STPG1: variants seen among roughly 807,000 people sequenced by gnomAD.
STPG1 encodes the protein O(6)-methylguanine-induced apoptosis 2.
Under a neutral mutation model 40.1 loss-of-function variants are expected in STPG1, and 33 were observed. That is an observed-to-expected ratio of 0.82 (90% CI 0.62 to 1.10). STPG1 has a LOEUF of 1.10. Among genes scored for constraint, STPG1 ranks in the 50% least tolerant of loss-of-function variants. STPG1 has a pLI of 0.00. For missense variants in STPG1, 396 were observed against 415.1 expected (o/e 0.95, Z 0.40); for synonymous variants, 150 against 155.0 (o/e 0.97, Z 0.24).
At chr1:24,378,800 G>A (rs968325607) in intron 5 of STPG1, among the ~76,000 whole-genome samples, 3 of 152,164 alleles carry the variant, frequency 2.0e-5, no homozygotes, top group Non-Finnish European at 2.9e-5. Context: ...CATATCTTGC[G>A]CACTTCAGAG....
chr1:24,383,831 T>C (rs776601610), intron 4 of STPG1, 71 bp downstream of exon 4: 3 of 979,252 alleles, frequency 3.1e-6, no homozygotes, highest in Non-Finnish European at 5.0e-6. Flanking sequence ...AGATGTCCAA[T>C]ATATAATTAT....
intron 1 of STPG1, among the ~76,000 whole-genome samples, chr1:24,401,836 C>T (rs1395416952): frequency 1.3e-5 from 2 of 152,060 alleles, no homozygotes; most frequent in Non-Finnish European, 2.9e-5. Context: ...GCTGGGATTA[C>T]AGGCGCCCAC....
chr1:24,372,126 C>T lies in STPG1; in HGVS notation c.571+1576G>A, dbSNP rs559783359. 5.3e-5 allele frequency among the ~76,000 whole-genome samples: 8 copies of T among 152,158 alleles called. No homozygotes were observed. In the South Asian group the frequency reaches 1.7e-3, roughly 32 times the overall value. ...CCGGGGGGCGGAGGTTGCGGTGAGC[C>T]GAGATCGTGCCACTGCACTCCAGCC... On this transcript the variant is annotated intron_variant, in intron 6 of 8. Coordinates refer to ENST00000337248, the MANE Select transcript of STPG1 (RefSeq NM_001199013.2).
chr1:24,370,712 C>T (rs1180268457), intron 6 of STPG1, among the ~76,000 whole-genome samples: 1 of 151,826 alleles, frequency 6.6e-6, no homozygotes, highest in Non-Finnish European at 1.5e-5. Context: ...AGGATGGTCT[C>T]GATCTCCTGA....
At chr1:24,358,668 G>T in intron 8 of STPG1, 49 bp from the exon 9 acceptor site, 1 of 1,438,788 alleles carries the variant, frequency 7.0e-7, no homozygotes, top group Non-Finnish European at 9.7e-7. Flanking sequence ...AAGGCCCATT[G>T]CTGCAGTCTC....
chr1:24,372,672 G>C (rs1035621506), intron 6 of STPG1, among the ~76,000 whole-genome samples: 2 of 152,234 alleles, frequency 1.3e-5, no homozygotes, highest in African/African-American at 4.8e-5. Flanking sequence ...CGCTGGTTTT[G>C]TTATTCAGCT....
At chr1:24,376,704 T>C (rs1642042418) in intron 5 of STPG1, among the ~76,000 whole-genome samples, 1 of 152,110 alleles carries the variant, frequency 6.6e-6, no homozygotes. Flanking sequence ...GACGGCAGCA[T>C]CCTTCAGCTA....
intron 4 of STPG1, among the ~76,000 whole-genome samples, chr1:24,381,930 C>T (rs1425530391): frequency 1.3e-5 from 2 of 152,182 alleles, no homozygotes; most frequent in African/African-American, 2.4e-5. Flanking sequence ...AATAGATCGC[C>T]ATCGACCACT....
chr1:24,364,568 C>G, intron 7 of STPG1: 1 of 932,214 alleles, frequency 1.1e-6, no homozygotes, highest in Non-Finnish European at 1.4e-6. Context: ...CTAGCCCTAT[C>G]CCGGGAACAT....
rs375009707 is a variant in STPG1, at chr1:24,401,713, A to T, written c.-68-257T>A. ...TTATTTTTATTTTTTATTTTTTGAT[A>T]CGGAGTTTTGCTCTTGTCACCCAGG... On this transcript the variant is annotated intron_variant, in intron 1 of 8. Transcript: ENST00000337248. Among the ~76,000 whole-genome samples, 169 of 152,232 alleles carry T rather than the reference A, an allele frequency of 1.1e-3. 1 individual carries two copies. The Middle Eastern group carries it at 0.014, about 12-fold the overall frequency.
rs1288959394 is a variant in STPG1, at chr1:24,398,801, C to T, written c.70+2518G>A. ...ATAATGAAGATATGCAAGACTTCTA[C>T]ATAGAAAACTCCAAAACATTGAGAA... On this transcript the variant is annotated intron_variant, in intron 2 of 8. Transcript: ENST00000337248. 6.6e-5 allele frequency among the ~76,000 whole-genome samples: 10 copies of T among 152,118 alleles called. No homozygotes were observed. The South Asian group carries it at 1.9e-3, about 28-fold the overall frequency.
intron 3 of STPG1, among the ~76,000 whole-genome samples, chr1:24,390,499 A>G (rs915467247): frequency 1.3e-5 from 2 of 152,004 alleles, no homozygotes; most frequent in African/African-American, 4.8e-5. Context: ...GCTCACTACA[A>G]TCTCTGCCTC....
intron 5 of STPG1, among the ~76,000 whole-genome samples, chr1:24,374,407 T>C (rs1001899451): frequency 6.6e-6 from 1 of 150,696 alleles, no homozygotes; most frequent in African/African-American, 2.4e-5. Context: ...TATAGGTGCC[T>C]ACCACCACGC....
At chr1:24,390,571 ACCAC>A (rs1642724254) in intron 3 of STPG1, among the ~76,000 whole-genome samples, 1 of 151,922 alleles carries the variant, frequency 6.6e-6, no homozygotes, top group Non-Finnish European at 1.5e-5. Flanking sequence ...GGTGTGCGCC[ACCAC>A]TCCCAGCTAA....
chr1:24,405,902 C>T (rs1456352749), intron 1 of STPG1, among the ~76,000 whole-genome samples: 1 of 151,986 alleles, frequency 6.6e-6, no homozygotes, highest in African/African-American at 2.4e-5. Flanking sequence ...TTTTAACCTG[C>T]TTGTGTCTTT....
chr1:24,414,760 T>C (rs994800969), upstream of STPG1: 1 of 151,990 alleles, frequency 6.6e-6, no homozygotes, highest in African/African-American at 2.4e-5. Flanking sequence ...GGTCTCAAAC[T>C]CCTGGGCTTA....
At chr1:24,410,346 CA>C (rs1291713286) in intron 1 of STPG1, among the ~76,000 whole-genome samples, 1 of 152,172 alleles carries the variant, frequency 6.6e-6, no homozygotes, top group Non-Finnish European at 1.5e-5. Context: ...CGCTGTGGCT[CA>C]CACCTGTAAT....
At chr1:24,373,228 C>T (rs1435686589) in intron 6 of STPG1, among the ~76,000 whole-genome samples, 2 of 152,220 alleles carry the variant, frequency 1.3e-5, no homozygotes, top group Non-Finnish European at 2.9e-5. Flanking sequence ...GGAGTGGGTG[C>T]TCCGGAAACA....
intron 2 of STPG1, among the ~76,000 whole-genome samples, chr1:24,395,203 G>A (rs1433798268): frequency 1.3e-5 from 2 of 151,412 alleles, no homozygotes; most frequent in African/African-American, 4.8e-5. Flanking sequence ...CCTGTACTCA[G>A]TAAAAATATC....
Sources: gnomAD v4.1 joint callset for allele counts (sites outside exome capture counted in the v4.1 genomes callset) on GRCh38, gnomAD v4.1.1 for gene constraint, MANE v1.5 for transcripts, NCBI Gene and HGNC (gene_info 2026-07-23, HGNC 2026-07-21) for gene names.